The following GRIN2A variants were observed in gnomAD, a reference collection of about 807,000 sequenced individuals.
GRIN2A encodes glutamate ionotropic receptor NMDA type subunit 2A.
Under a neutral mutation model 113.4 loss-of-function variants are expected in GRIN2A, and 22 were observed. That is an observed-to-expected ratio of 0.19 (90% CI 0.14 to 0.28). The LOEUF (loss-of-function observed/expected upper bound fraction) is 0.28, where lower values mean the gene tolerates loss of function less well. Among genes scored for constraint, GRIN2A ranks in the 10% least tolerant of loss-of-function variants. The pLI is 1.00. For synonymous variants in GRIN2A, 827 were observed against 738.4 expected (o/e 1.12, Z -1.94); for missense variants, 1,502 against 1,887.0 (o/e 0.80, Z 3.78).
At position 10,180,456 on chromosome 16, in the gene GRIN2A, G is replaced by C; in HGVS notation, c.-18-27C>G. 6.3e-7 allele frequency: 1 copy of C among 1,584,172 alleles called. No homozygotes were observed. Among genetic ancestry groups the C allele is most frequent in the Non-Finnish European group, 8.5e-7 (1 of 1,171,264 alleles). On this transcript the variant is annotated intron_variant, in intron 1 of 12. Transcript: ENST00000330684. This position sits in a 1 kb window ranked among gnomAD's most constrained non-coding sequence, Gnocchi z 7.0. ...TGCAAGGTGAAGAGTGAGAGGCAGG[G>C]CCGCGGTGAGCAAGGCGACCAGAAG...
At chr16:10,100,737 A>T (rs1316963723) in intron 2 of GRIN2A, among the ~76,000 whole-genome samples, 2 of 152,212 alleles carry the variant, frequency 1.3e-5, no homozygotes, top group African/African-American at 4.8e-5. Flanking sequence ...TCACTTTATA[A>T]CAATCAGTTC....
intron 11 of GRIN2A, among the ~76,000 whole-genome samples, chr16:9,773,985 G>A (rs2267774): frequency 0.32 from 29,902 of 93,842 alleles, 4,224 homozygotes; most frequent in East Asian, 0.63. Flanking sequence ...TTGTGTGTGT[G>A]TGTCTCCAAC....
At chr16:10,130,167 G>T (rs2049032092) in intron 2 of GRIN2A, among the ~76,000 whole-genome samples, 1 of 152,200 alleles carries the variant, frequency 6.6e-6, no homozygotes, top group Non-Finnish European at 1.5e-5. Context: ...AAGGTTACAT[G>T]GCTGGGAAAT....
rs1378263959 is a variant in GRIN2A, at chr16:9,927,725, A to G, written c.1007+10234T>C. Among the ~76,000 whole-genome samples, 3 of 152,248 alleles carry G rather than the reference A, an allele frequency of 2.0e-5. No individual in the cohort carries two copies. In the East Asian group the frequency reaches 5.8e-4, roughly 29 times the overall value. On this transcript the variant is annotated intron_variant, in intron 3 of 12. Coordinates refer to ENST00000330684, the MANE Select transcript of GRIN2A (RefSeq NM_001134407.3). ...AGAGTACTTTCACGTTTAAAAATAT[A>G]TATGCTTAGATAATATAACCTATGA...
chr16:9,958,143 A>G (rs1260137363), intron 2 of GRIN2A, among the ~76,000 whole-genome samples: 1 of 152,224 alleles, frequency 6.6e-6, no homozygotes, highest in Non-Finnish European at 1.5e-5. Context: ...TAACTTCTGC[A>G]TAAGCGACTG....
At chr16:10,094,098 G>A (rs2048237901) in intron 2 of GRIN2A, among the ~76,000 whole-genome samples, 1 of 152,180 alleles carries the variant, frequency 6.6e-6, no homozygotes, top group East Asian at 1.9e-4. Context: ...AAGGTTTCAT[G>A]GAGCAGTTAC....
chr16:10,147,103 A>C (rs2142277740), intron 2 of GRIN2A, among the ~76,000 whole-genome samples: 1 of 152,186 alleles, frequency 6.6e-6, no homozygotes, highest in East Asian at 1.9e-4. Context: ...TCTATTCACC[A>C]ACTCACTCAG....
chr16:10,147,786 A>G (rs2049476820), intron 2 of GRIN2A, among the ~76,000 whole-genome samples: 1 of 152,186 alleles, frequency 6.6e-6, no homozygotes, highest in African/African-American at 2.4e-5. Flanking sequence ...CCCTCTGTAG[A>G]TAATTCTCCA....
intron 2 of GRIN2A, among the ~76,000 whole-genome samples, chr16:9,957,216 A>C (rs922546048): frequency 6.6e-6 from 1 of 152,162 alleles, no homozygotes; most frequent in African/African-American, 2.4e-5. Context: ...GTTCTCAGCC[A>C]GGGGGACCAG....
chr16:9,839,513 A>G lies in GRIN2A; in HGVS notation c.1651+1134T>C, dbSNP rs1229474860. 2.6e-5 allele frequency among the ~76,000 whole-genome samples: 4 copies of G among 152,330 alleles called. No homozygotes were observed. The East Asian group carries it at 7.7e-4, about 29-fold the overall frequency. On this transcript the variant is annotated intron_variant, in intron 7 of 12. Coordinates refer to ENST00000330684, the MANE Select transcript of GRIN2A (RefSeq NM_001134407.3). The stretch of plus-strand genomic sequence containing the variant: ...AATATGATTCGATTAATTTTAAATC[A>G]GCATATACTTTTCAGACTATTCCTA...
intron 2 of GRIN2A, among the ~76,000 whole-genome samples, chr16:10,154,843 T>C (rs932657710): frequency 6.6e-6 from 1 of 152,028 alleles, no homozygotes; most frequent in Non-Finnish European, 1.5e-5. Flanking sequence ...TTTAGAGCAA[T>C]GTGGGTTTTT....
rs1490076616 is a variant in GRIN2A at position 9,758,148 on chromosome 16, T to C, written c.*5001A>G. The C allele has an allele frequency of 9.3e-6, 2 of 215,922 alleles. No homozygotes were observed. Among genetic ancestry groups the C allele is most frequent in the African/African-American group, 4.5e-5 (2 of 44,394 alleles). 13.4% of individuals were successfully genotyped at this position (215,922 alleles called of 1,614,324 possible). A position where few individuals can be genotyped will look rare whatever the true frequency, so the allele number is the denominator to read the frequency against. On this transcript the variant is annotated 3_prime_UTR_variant, in exon 13 of 13. Coordinates refer to ENST00000330684, the MANE Select transcript of GRIN2A (RefSeq NM_001134407.3). ...TAACTTTTGGTGTGGTTCTACGAAC[T>C]CTATTTTTCTAAGACCCTTCTGGGC... is the stretch of plus-strand genomic sequence containing the variant.
intron 2 of GRIN2A, among the ~76,000 whole-genome samples, chr16:10,158,275 G>T (rs777583601): frequency 2.6e-5 from 4 of 152,190 alleles, no homozygotes; most frequent in African/African-American, 9.7e-5. Flanking sequence ...AAAGTGCTAG[G>T]ATTACAGGCG....
At chr16:9,784,743 A>G (rs7191158) in intron 11 of GRIN2A, among the ~76,000 whole-genome samples, 44,827 of 151,626 alleles carry the variant, frequency 0.3, 6,498 homozygotes, top group Non-Finnish European at 0.32. Flanking sequence ...CAAATTTACA[A>G]GAAAAAAACA....
chr16:10,060,303 C>T (rs1437812778), intron 2 of GRIN2A, among the ~76,000 whole-genome samples: 1 of 152,240 alleles, frequency 6.6e-6, no homozygotes, highest in Non-Finnish European at 1.5e-5. Context: ...GCACGAACCA[C>T]ATGCCGGGGT....
intron 3 of GRIN2A, among the ~76,000 whole-genome samples, chr16:9,904,212 C>G (rs1423175022): frequency 6.6e-6 from 1 of 152,208 alleles, no homozygotes; most frequent in Non-Finnish European, 1.5e-5. Context: ...ACATTTGCAT[C>G]TCACAGTTCT....
chr16:10,138,420 C>T (rs114255297), intron 2 of GRIN2A, among the ~76,000 whole-genome samples: 7 of 151,996 alleles, frequency 4.6e-5, no homozygotes, highest in East Asian at 3.9e-4. Flanking sequence ...GAAGAGGAAG[C>T]GAGGAACATC....
At position 9,897,231 on chromosome 16, in the gene GRIN2A, A is replaced by G. The variant is rs556994361; in HGVS notation, c.1008-6131T>C. 1.4e-4 allele frequency among the ~76,000 whole-genome samples: 20 copies of G among 143,896 alleles called. No individual in the cohort carries two copies. In the South Asian group the frequency reaches 4.0e-3, roughly 28 times the overall value. 94.4% of individuals were successfully genotyped at this position (143,896 alleles called of 152,430 possible). On this transcript the variant is annotated intron_variant, in intron 3 of 12. Coordinates refer to ENST00000330684, the MANE Select transcript of GRIN2A (RefSeq NM_001134407.3). ...ATATTTTATATATATAAAAAAATAC[A>G]TAAAATACGTACATATATATACACA...
Position 9,760,963 on chromosome 16 carries a change from T to G in GRIN2A, c.*2186A>C, listed in dbSNP as rs1346363803. On this transcript the variant is annotated 3_prime_UTR_variant, in exon 13 of 13. Coordinates refer to ENST00000330684, the MANE Select transcript of GRIN2A (RefSeq NM_001134407.3). ...ATGTTGGGGTGACTATTCTGGGCCC[T>G]TCGATCCAGGCTTCTCCATGGCTGG... The G allele has an allele frequency of 4.3e-6, 1 of 232,056 alleles. No individual in the cohort carries two copies. Among genetic ancestry groups the G allele is most frequent in the Non-Finnish European group, 8.5e-6 (1 of 117,446 alleles). The allele number at this position is 232,056 out of a possible 1,614,324, so 14.4% of individuals were successfully genotyped here.
Sources: allele counts gnomAD v4.1 joint callset (sites outside exome capture counted in the v4.1 genomes callset), GRCh38; gene constraint gnomAD v4.1.1; non-coding constraint Gnocchi (gnomAD v3.1); transcripts MANE v1.5; gene names NCBI Gene and HGNC (gene_info 2026-07-23, HGNC 2026-07-21).